Variants in CCDC150 observed in about 807,000 individuals in gnomAD.
The protein encoded by CCDC150 is coiled-coil domain-containing protein 150.
In CCDC150, 151 loss-of-function variants were observed where a neutral mutation model predicts 156.5. That is an observed-to-expected ratio of 0.97 (90% confidence interval 0.85 to 1.10). The LOEUF (loss-of-function observed/expected upper bound fraction) is 1.10. Ranked by LOEUF, CCDC150 falls within the 50% of genes least tolerant of loss-of-function variation. The probability of loss-of-function intolerance (pLI) is 0.00; values close to 1 mark genes in which losing one functional copy is unlikely to be tolerated. For missense variants in CCDC150, 1,312 were observed against 1,268.1 expected (o/e 1.03, Z -0.53); for synonymous variants, 452 against 429.4 (o/e 1.05, Z -0.65).
rs1698577290 is a variant in CCDC150, at chr2:196,732,492, A to G, written c.3236A>G (p.His1079Arg). Reference sequence around the variant, plus strand: ...GTCATGTCCAACCAATCTGTTCTGCATCGATGGGAGAGAAAACAGAATCTT... The same window carrying G: ...GTCATGTCCAACCAATCTGTTCTGCGTCGATGGGAGAGAAAACAGAATCTT... ...HDVMSNQSVLHRWERKQNLRP... is the reference protein window; with the variant it reads ...HDVMSNQSVLRRWERKQNLRP... The change falls in exon 28 of 28, where the codon CAT (histidine) becomes CGT (arginine). Residue 1079 changes from histidine to arginine, a missense_variant. Physicochemically the swap from His to Arg is conservative, Grantham distance 29. Coordinates refer to ENST00000389175, the MANE Select transcript of CCDC150 (RefSeq NM_001080539.2). 2 of 1,613,860 alleles carry G rather than the reference A, an allele frequency of 1.2e-6. No individual in the cohort carries two copies. Among genetic ancestry groups the G allele is most frequent in the Non-Finnish European group, 1.7e-6 (2 of 1,179,806 alleles).
rs1698187453 is a variant in CCDC150 at position 196,725,992 on chromosome 2, T to C, written c.2449T>C (p.Ser817Pro). 1 of 1,600,398 alleles carries C rather than the reference T, an allele frequency of 6.2e-7. No homozygotes were observed. Among genetic ancestry groups the C allele is most frequent in the East Asian group, 2.2e-5 (1 of 44,558 alleles). The part of the protein sequence containing the change: ...ETFKDRMTEE[S>P]KVEAELHAER... ...AAACAGAGACCGGATGACTGAAGAG[T>C]CCAAAGTGGAAGCAGAATTGCATGC... Residue 817 changes from serine (S) to proline (P), a missense_variant, in exon 22 of 28, where the codon TCC becomes CCC. By Grantham distance (74) the Ser-to-Pro change is moderately conservative. Transcript: ENST00000389175.
chr2:196,664,810 C>T (rs1271537435), intron 5 of CCDC150, among the ~76,000 whole-genome samples: 1 of 151,972 alleles, frequency 6.6e-6, no homozygotes, highest in African/African-American at 2.4e-5. Flanking sequence ...ACACAAAAGA[C>T]ACTCTTATGA....
At chr2:196,680,607 G>C (rs778148341) in intron 13 of CCDC150, among the ~76,000 whole-genome samples, 1 of 152,038 alleles carries the variant, frequency 6.6e-6, no homozygotes, top group Non-Finnish European at 1.5e-5. Context: ...GCCCAGCCTA[G>C]TACCTTTTTA....
chr2:196,732,400 A>G (rs1326015691), intron 27 of CCDC150, 46 bp from the exon 28 acceptor site: 2 of 1,386,316 alleles, frequency 1.4e-6, no homozygotes, highest in South Asian at 1.2e-5. Flanking sequence ...AGATTGCTGC[A>G]GTTAGCTCTG....
intron 17 of CCDC150, among the ~76,000 whole-genome samples, chr2:196,717,112 A>G (rs1697570106): frequency 6.6e-6 from 1 of 151,728 alleles, no homozygotes; most frequent in African/African-American, 2.4e-5. Context: ...GATGGTCTCC[A>G]TCTCCTGACC....
At chr2:196,683,358 G>T (rs1694953066) in intron 13 of CCDC150, among the ~76,000 whole-genome samples, 1 of 151,998 alleles carries the variant, frequency 6.6e-6, no homozygotes, top group South Asian at 2.1e-4. Context: ...GCATTCCTTG[G>T]ATAAATTTTA....
intron 14 of CCDC150, among the ~76,000 whole-genome samples, chr2:196,695,566 G>A (rs1695766338): frequency 6.6e-6 from 1 of 152,060 alleles, no homozygotes; most frequent in African/African-American, 2.4e-5. Context: ...TCTCCAGGTG[G>A]GGCGCGGTGG....
chr2:196,677,925 G>A (rs897313938), intron 13 of CCDC150, among the ~76,000 whole-genome samples: 8 of 152,092 alleles, frequency 5.3e-5, no homozygotes, highest in African/African-American at 1.9e-4. Flanking sequence ...AGGAGGCAGA[G>A]GTTGCAGTGA....
At position 196,732,503 on chromosome 2, in the gene CCDC150, A is replaced by C. The variant is rs768193745; in HGVS notation, c.3247A>C (p.Arg1083=). ...CCAATCTGTTCTGCATCGATGGGAG[A>C]GAAAACAGAATCTTAGGCCCATGCC... ...SNQSVLHRWE[R]KQNLRPMPKK... is the part of the protein sequence containing the mutation. The change falls in exon 28 of 28, where the codon AGA becomes CGA. Residue 1083 remains arginine (R), a synonymous_variant. Transcript: ENST00000389175. 3.1e-6 allele frequency: 5 copies of C among 1,613,840 alleles called. No homozygotes were observed. In the South Asian group the frequency reaches 5.5e-5, roughly 18 times the overall value.
Position 196,717,005 on chromosome 2 carries a change from C to T in CCDC150, c.1867-1498C>T, listed in dbSNP as rs182487170. 3.6e-3 allele frequency among the ~76,000 whole-genome samples: 531 copies of T among 149,520 alleles called. 5 individuals carry two copies. The highest frequency in any genetic ancestry group is 0.012 in the African/African-American group (499 of 40,888). On this transcript the variant is annotated intron_variant, in intron 17 of 27. Coordinates refer to ENST00000389175, the MANE Select transcript of CCDC150 (RefSeq NM_001080539.2). ...CCTCCCAAGTGGCTGGAATTACAGGCGCCCGCCACCACGCCCAGCTAATTT... is the reference window on the plus strand; with the variant it reads ...CCTCCCAAGTGGCTGGAATTACAGGTGCCCGCCACCACGCCCAGCTAATTT...
intron 13 of CCDC150, among the ~76,000 whole-genome samples, chr2:196,683,825 T>G (rs998998165): frequency 1.3e-5 from 2 of 151,992 alleles, no homozygotes; most frequent in African/African-American, 2.4e-5. Context: ...CCCCTTGTCT[T>G]TCTTTCTGTA....
At chr2:196,683,134 G>A (rs1694939252) in intron 13 of CCDC150, among the ~76,000 whole-genome samples, 1 of 152,070 alleles carries the variant, frequency 6.6e-6, no homozygotes, top group African/African-American at 2.4e-5. Context: ...TCACCATTAA[G>A]TATGATGTCA....
intron 9 of CCDC150, 100 bp downstream of exon 9, chr2:196,672,537 A>T (rs763235539): frequency 3.7e-6 from 2 of 544,904 alleles, no homozygotes; most frequent in African/African-American, 4.0e-5. Context: ...AATTCATACC[A>T]TCTCCATCAC....
At chr2:196,689,261 G>A (rs1422046084) in intron 13 of CCDC150, among the ~76,000 whole-genome samples, 1 of 152,128 alleles carries the variant, frequency 6.6e-6, no homozygotes, top group African/African-American at 2.4e-5. Flanking sequence ...CTTTAAAGTA[G>A]TTTTTTCCAA....
chr2:196,723,654 T>A (rs1234899828), intron 21 of CCDC150, among the ~76,000 whole-genome samples: 1 of 152,006 alleles, frequency 6.6e-6, no homozygotes, highest in Non-Finnish European at 1.5e-5. Flanking sequence ...GAAGGAGCAT[T>A]TAGTGGAGGT....
At chr2:196,666,342 T>A (rs1693837459) in intron 6 of CCDC150, among the ~76,000 whole-genome samples, 1 of 152,234 alleles carries the variant, frequency 6.6e-6, no homozygotes, top group South Asian at 2.1e-4. Context: ...AACTGAATTA[T>A]AACAAGGATT....
chr2:196,677,048 G>A, intron 12 of CCDC150: 1 of 683,624 alleles, frequency 1.5e-6, no homozygotes, highest in Non-Finnish European at 2.7e-6. Context: ...AGGGGGAACA[G>A]CCCTGTCTTC....
chr2:196,723,685 G>A (rs184891541), intron 21 of CCDC150, among the ~76,000 whole-genome samples: 2 of 152,278 alleles, frequency 1.3e-5, no homozygotes. Context: ...TTGGTAGAAT[G>A]TAGTATCACC....
intron 21 of CCDC150, among the ~76,000 whole-genome samples, chr2:196,724,723 G>C (rs1698114344): frequency 6.6e-6 from 1 of 152,058 alleles, no homozygotes; most frequent in South Asian, 2.1e-4. Context: ...TAAATTTAAA[G>C]GCAATTTAGA....
Sources: allele counts gnomAD v4.1 joint callset (sites outside exome capture counted in the v4.1 genomes callset), GRCh38; gene constraint gnomAD v4.1.1; transcripts MANE v1.5; gene names NCBI Gene and HGNC (gene_info 2026-07-23, HGNC 2026-07-21).